GORASP2: variants seen among roughly 807,000 people sequenced by gnomAD.
GORASP2 encodes golgi reassembly stacking protein 2, also known as Golgi reassembly-stacking protein 2.
In GORASP2, 22 loss-of-function variants were observed where a neutral mutation model predicts 45.7. The ratio of observed to expected loss-of-function variants is 0.48; its 90% confidence interval spans 0.34 to 0.69. GORASP2 has a LOEUF of 0.69. GORASP2 is among the 30% of genes least tolerant of loss of function. The probability of loss-of-function intolerance (pLI) is 0.01; values close to 1 mark genes in which losing one functional copy is unlikely to be tolerated. For synonymous variants in GORASP2, 221 were observed against 215.6 expected, an observed-to-expected ratio of 1.02 and a Z score of -0.22; for missense variants, 491 against 562.7, an observed-to-expected ratio of 0.87 and a Z score of 1.29.
chr2:170,959,162 A>G (rs912619549), intron 7 of GORASP2, among the ~76,000 whole-genome samples: 8 of 151,268 alleles, frequency 5.3e-5, no homozygotes, highest in African/African-American at 1.9e-4. Flanking sequence ...GGGTTTCACC[A>G]TGTTGGCCAG....
intron 4 of GORASP2, among the ~76,000 whole-genome samples, chr2:170,951,032 C>T (rs772894440): frequency 2.0e-5 from 3 of 151,908 alleles, no homozygotes; most frequent in Non-Finnish European, 2.9e-5. Flanking sequence ...CCCAGACAAC[C>T]AGGTCTTAAT....
intron 9 of GORASP2, among the ~76,000 whole-genome samples, chr2:170,963,758 T>G (rs1389167074): frequency 6.6e-6 from 1 of 152,078 alleles, no homozygotes; most frequent in African/African-American, 2.4e-5. Flanking sequence ...TCCTCTCACC[T>G]CATCCTCCCA....
Position 170,954,793 on chromosome 2 carries a change from G to A in GORASP2, c.699+11G>A, listed in dbSNP as rs201948902. On this transcript the variant is annotated intron_variant, in intron 6 of 9. Transcript: ENST00000234160. Reference sequence around the variant, plus strand: ...GATGGGTTTACAGAGGTAAGATCACGTTCCTACCTGAGTATATCATAAAGT... The same window carrying A: ...GATGGGTTTACAGAGGTAAGATCACATTCCTACCTGAGTATATCATAAAGT... The A allele has an allele frequency of 1.6e-3, 2,559 of 1,603,984 alleles. 4 individuals carry two copies. The highest frequency in any genetic ancestry group is 2.1e-3 in the Non-Finnish European group (2,436 of 1,173,374).
intron 7 of GORASP2, among the ~76,000 whole-genome samples, chr2:170,957,324 C>T (rs139181950): frequency 1.8e-4 from 27 of 152,034 alleles, no homozygotes; most frequent in East Asian, 7.7e-4. Flanking sequence ...TTGCCCAGGC[C>T]GGAGTACAAT....
At chr2:170,949,907 T>C in intron 3 of GORASP2, 165 bp downstream of exon 3, 1 of 609,800 alleles carries the variant, frequency 1.6e-6, no homozygotes, top group East Asian at 2.8e-5. Flanking sequence ...CAATTTTTTT[T>C]TAAGTTGAGG....
At chr2:170,939,987 A>C (rs1559308648) in intron 1 of GORASP2, among the ~76,000 whole-genome samples, 1 of 125,040 alleles carries the variant, frequency 8.0e-6, no homozygotes, top group Non-Finnish European at 1.8e-5. Context: ...TTTTAAAAGC[A>C]GTACAAGAGG....
chr2:170,945,359 C>G (rs551464427), intron 1 of GORASP2, among the ~76,000 whole-genome samples: 3 of 151,860 alleles, frequency 2.0e-5, no homozygotes, highest in Admixed American at 6.6e-5. Context: ...AAATCAGCTG[C>G]GTGTGGTGGT....
intron 8 of GORASP2, among the ~76,000 whole-genome samples, chr2:170,961,988 G>A (rs1209022140): frequency 6.6e-6 from 1 of 152,184 alleles, no homozygotes; most frequent in African/African-American, 2.4e-5. Context: ...CTTACCCCCA[G>A]CCAGCGGCCA....
In GORASP2 at chr2:170,956,532, C is replaced by T. The variant is rs374865271; in HGVS notation, c.796C>T (p.Pro266Ser). The T allele has an allele frequency of 1.9e-6, 3 of 1,612,872 alleles. No individual in the cohort carries two copies. Among genetic ancestry groups the T allele is most frequent in the African/African-American group, 1.3e-5 (1 of 74,850 alleles). Residue 266 changes from proline to serine, a missense_variant, in exon 7 of 10, where the codon CCA becomes TCA. By Grantham distance (74) the Pro-to-Ser change is moderately conservative (BLOSUM62 -1). Around this residue, in one of 2 missense-constraint regions of GORASP2, gnomAD observed 297 missense variants for 292.3 expected, o/e 1.02. Coordinates refer to ENST00000234160, the MANE Select transcript of GORASP2 (RefSeq NM_015530.5). ...LTGLSISSTP[P>S]AVSSVLSTGV... Reference sequence around the variant, plus strand: ...TGGACTTTCTATTAGCTCAACTCCACCAGCTGTCAGTAGTGTTCTCAGTAC... The same window carrying T: ...TGGACTTTCTATTAGCTCAACTCCATCAGCTGTCAGTAGTGTTCTCAGTAC...
At chr2:170,943,129 A>G (rs950620913) in intron 1 of GORASP2, among the ~76,000 whole-genome samples, 2 of 152,192 alleles carry the variant, frequency 1.3e-5, no homozygotes, top group African/African-American at 2.4e-5. Context: ...AGCCTTTGCA[A>G]ACTTGAAGGT....
intron 1 of GORASP2, among the ~76,000 whole-genome samples, chr2:170,931,119 A>G (rs975526942): frequency 1.3e-5 from 2 of 152,236 alleles, no homozygotes; most frequent in African/African-American, 4.8e-5. Flanking sequence ...ATACATATTC[A>G]GTAGTGCAGA....
chr2:170,956,581 GT>G lies in GORASP2; in HGVS notation c.823+26del. On this transcript the variant is annotated intron_variant, in intron 7 of 9. Coordinates refer to ENST00000234160, the MANE Select transcript of GORASP2 (RefSeq NM_015530.5). ...ACAGGTGTGCAGAAAAATATATTCT[GT>G]TTTCAGTCTATTTTATGTAATATTA... 6 of 1,583,364 alleles carry G rather than the reference GT, an allele frequency of 3.8e-6. No homozygotes were observed. The South Asian group carries it at 5.8e-5, about 15-fold the overall frequency.
intron 1 of GORASP2, among the ~76,000 whole-genome samples, chr2:170,934,245 C>G (rs202087927): frequency 3.8e-4 from 36 of 94,584 alleles, no homozygotes; most frequent in Non-Finnish European, 7.8e-4. Context: ...AACTCATACC[C>G]TGTTTTTTTT....
intron 1 of GORASP2, among the ~76,000 whole-genome samples, chr2:170,935,639 C>A (rs1345609265): frequency 2.0e-5 from 3 of 149,778 alleles, no homozygotes; most frequent in Non-Finnish European, 4.4e-5. Context: ...GTAGCACAGT[C>A]TCCACTCACT....
chr2:170,963,898 G>A (rs953494826), intron 9 of GORASP2, among the ~76,000 whole-genome samples: 4 of 152,002 alleles, frequency 2.6e-5, no homozygotes, highest in Admixed American at 6.5e-5. Context: ...TCCTGCTTTG[G>A]CCTCCCAGTG....
intron 9 of GORASP2, 78 bp downstream of exon 9, chr2:170,963,024 T>C (rs2105329965): frequency 2.2e-6 from 2 of 893,718 alleles, no homozygotes; most frequent in South Asian, 2.7e-5. Flanking sequence ...CTTCAGTTTT[T>C]TCTGGAGAGA....
At position 170,956,482 on chromosome 2, in the gene GORASP2, C is replaced by G; in HGVS notation, c.746C>G (p.Thr249Ser). ...VNPPSLSPPG[T>S]TGIEQSLTGL... ...CCCCCGTCTTTGTCACCACCAGGAACTACAGGAATTGAACAGAGTCTGACT... is the reference window on the plus strand; with the variant it reads ...CCCCCGTCTTTGTCACCACCAGGAAGTACAGGAATTGAACAGAGTCTGACT... The change falls in exon 7 of 10, where the codon ACT (threonine) becomes AGT (serine). Residue 249 changes from threonine to serine, a missense_variant. Thr to Ser is a moderately conservative substitution (Grantham distance 58). Transcript: ENST00000234160. The G allele has an allele frequency of 1.2e-6, 2 of 1,613,244 alleles. No individual in the cohort carries two copies. Among genetic ancestry groups the G allele is most frequent in the Non-Finnish European group, 1.7e-6 (2 of 1,179,388 alleles).
chr2:170,952,030 A>G (rs1704311243), intron 5 of GORASP2, among the ~76,000 whole-genome samples: 1 of 152,278 alleles, frequency 6.6e-6, no homozygotes, highest in Non-Finnish European at 1.5e-5. Context: ...AATAGGATCT[A>G]TTCGAGGCAT....
At chr2:170,963,734 C>T (rs958932819) in intron 9 of GORASP2, among the ~76,000 whole-genome samples, 3 of 152,080 alleles carry the variant, frequency 2.0e-5, no homozygotes, top group African/African-American at 7.2e-5. Context: ...TCTCTACCTC[C>T]CAGGATCAAG....
Sources: gnomAD v4.1 joint callset for allele counts (sites outside exome capture counted in the v4.1 genomes callset) on GRCh38, gnomAD v4.1.1 for gene constraint, gnomAD v4.1.1 regional missense constraint, MANE v1.5 for transcripts, NCBI Gene and HGNC (gene_info 2026-07-23, HGNC 2026-07-21) for gene names.